The following DLC1 variants were observed in gnomAD, a reference collection of about 807,000 sequenced individuals.
DLC1 encodes rho GTPase-activating protein 7.
A neutral mutation model predicts 140.3 loss-of-function variants in DLC1; 54 were observed. The observed-to-expected ratio is 0.38, with a 90% CI of 0.31 to 0.48. The LOEUF is 0.48. Among genes scored for constraint, DLC1 ranks in the 20% least tolerant of loss-of-function variants. The pLI is 0.96. For missense variants in DLC1, 2,536 were observed against 1,907.0 expected (o/e 1.33, Z -6.14); for synonymous variants, 986 against 728.1 (o/e 1.35, Z -5.70).
intron 5 of DLC1, among the ~76,000 whole-genome samples, chr8:13,292,026 G>T (rs3860047): frequency 0.15 from 22,829 of 150,456 alleles, 1,787 homozygotes; most frequent in South Asian, 0.22. Flanking sequence ...GTAATCTAAC[G>T]AAACTGACTT....
intron 1 of DLC1, among the ~76,000 whole-genome samples, chr8:13,588,348 A>G (rs973294390): frequency 6.6e-6 from 1 of 152,058 alleles, no homozygotes. Context: ...GTTTGTCAGA[A>G]TGAGGAGGAA....
intron 4 of DLC1, among the ~76,000 whole-genome samples, chr8:13,375,278 C>T (rs1193149553): frequency 3.3e-5 from 5 of 152,120 alleles, no homozygotes; most frequent in African/African-American, 1.2e-4. Flanking sequence ...CCACCCACCT[C>T]GGCCTCCCAA....
chr8:13,276,136 A>T (rs1831154008), intron 5 of DLC1: 2 of 1,347,416 alleles, frequency 1.5e-6, no homozygotes, highest in Non-Finnish European at 2.0e-6. Context: ...CTGCCATGAC[A>T]AGAATGAAAC....
intron 5 of DLC1, among the ~76,000 whole-genome samples, chr8:13,244,117 T>G (rs2117255166): frequency 6.6e-6 from 1 of 152,274 alleles, no homozygotes; most frequent in South Asian, 2.1e-4. Flanking sequence ...ACTAATTATT[T>G]TACTTTCTAA....
upstream of DLC1, among the ~76,000 whole-genome samples, chr8:13,518,295 G>A (rs1802654861): frequency 6.6e-6 from 1 of 152,078 alleles, no homozygotes; most frequent in African/African-American, 2.4e-5. Context: ...TTTTAGTAGA[G>A]ACAGGGTTTC....
chr8:13,498,189 G>T (rs929274636), intron 2 of DLC1, among the ~76,000 whole-genome samples: 5 of 152,154 alleles, frequency 3.3e-5, no homozygotes, highest in African/African-American at 9.7e-5. Flanking sequence ...GCCATGTGGG[G>T]TTTATAGAAG....
Position 13,468,721 on chromosome 8 carries a change from A to G in DLC1, c.1023+30328T>C, listed in dbSNP as rs373767578. Among the ~76,000 whole-genome samples, 7 of 147,490 alleles carry G rather than the reference A, an allele frequency of 4.7e-5. No homozygotes were observed. The East Asian group carries it at 1.1e-3, about 23-fold the overall frequency. ...TATTTGTTTCTTCTTTCTTACCTTG[A>G]TGGAGGTTGACATATTCATTTATCT... On this transcript the variant is annotated intron_variant, in intron 2 of 17. Transcript: ENST00000276297.
At chr8:13,392,945 G>T (rs1230057736) in intron 4 of DLC1, among the ~76,000 whole-genome samples, 1 of 151,984 alleles carries the variant, frequency 6.6e-6, no homozygotes, top group Non-Finnish European at 1.5e-5. Flanking sequence ...TTTTATATGT[G>T]CTCTTTCATT....
intron 5 of DLC1, among the ~76,000 whole-genome samples, chr8:13,122,074 T>C (rs1585690875): frequency 1.3e-5 from 2 of 152,232 alleles, no homozygotes; most frequent in Middle Eastern, 3.4e-3. Context: ...CTGATAAGCC[T>C]CACCCCTCCC....
chr8:13,135,600 A>G (rs1004091680), intron 5 of DLC1, among the ~76,000 whole-genome samples: 1 of 152,188 alleles, frequency 6.6e-6, no homozygotes, highest in Non-Finnish European at 1.5e-5. Context: ...GAAACATACT[A>G]ATTTATCTTA....
At chr8:13,536,027 G>C (rs927580485) in intron 1 of DLC1, 1 of 152,176 alleles carries the variant, frequency 6.6e-6, no homozygotes, top group Non-Finnish European at 1.5e-5. Context: ...GAACAACAAA[G>C]AGTCTACGGC....
chr8:13,217,669 C>T (rs1322860272), intron 5 of DLC1, among the ~76,000 whole-genome samples: 1 of 151,210 alleles, frequency 6.6e-6, no homozygotes, highest in Admixed American at 6.6e-5. Flanking sequence ...TCTGTCTCTA[C>T]TAAAAATACA....
At chr8:13,196,244 C>A (rs1585888794) in intron 5 of DLC1, among the ~76,000 whole-genome samples, 1 of 151,960 alleles carries the variant, frequency 6.6e-6, no homozygotes, top group African/African-American at 2.4e-5. Flanking sequence ...TAATTTATTT[C>A]TTTATGTAAA....
chr8:13,309,855 A>T (rs1289872536), intron 4 of DLC1, among the ~76,000 whole-genome samples: 21 of 152,290 alleles, frequency 1.4e-4, no homozygotes, highest in Admixed American at 1.4e-3. Context: ...CAATTGAAAC[A>T]TTCTAATTGA....
intron 5 of DLC1, among the ~76,000 whole-genome samples, chr8:13,292,093 C>A (rs1403811048): frequency 6.6e-6 from 1 of 151,044 alleles, no homozygotes; most frequent in Admixed American, 6.6e-5. Flanking sequence ...TTGTGATCTG[C>A]AGTTTTTTTG....
intron 1 of DLC1, among the ~76,000 whole-genome samples, chr8:13,514,340 C>T (rs1015244200): frequency 1.3e-5 from 2 of 151,902 alleles, no homozygotes; most frequent in Non-Finnish European, 2.9e-5. Flanking sequence ...ATAAGTTAAA[C>T]GTAAAAAGGG....
At chr8:13,257,387 T>C (rs1830279600) in intron 5 of DLC1, among the ~76,000 whole-genome samples, 1 of 143,504 alleles carries the variant, frequency 7.0e-6, no homozygotes, top group Non-Finnish European at 1.5e-5. Flanking sequence ...CAGTGAGCCA[T>C]GATCATACCA....
intron 5 of DLC1, among the ~76,000 whole-genome samples, chr8:13,142,875 C>G (rs184696442): frequency 1.3e-5 from 2 of 152,236 alleles, no homozygotes; most frequent in South Asian, 2.1e-4. Context: ...CATGGAGAAA[C>G]TCCATCTGTA....
At chr8:13,166,680 C>G (rs988601316) in intron 5 of DLC1, among the ~76,000 whole-genome samples, 1 of 152,214 alleles carries the variant, frequency 6.6e-6, no homozygotes, top group East Asian at 1.9e-4. Flanking sequence ...ATAAGTCAAA[C>G]TTACCTAAAT....
Sources: gnomAD v4.1 joint callset for allele counts (sites outside exome capture counted in the v4.1 genomes callset) on GRCh38, gnomAD v4.1.1 for gene constraint, MANE v1.5 for transcripts, NCBI Gene and HGNC (gene_info 2026-07-23, HGNC 2026-07-21) for gene names.